Variants in ZNF16 observed in about 807,000 individuals in gnomAD.
The protein encoded by ZNF16 is zinc finger protein KOX9.
Under a neutral mutation model 9.0 loss-of-function variants are expected in ZNF16, and 7 were observed. That is an observed-to-expected ratio of 0.78 (90% confidence interval 0.44 to 1.47). The LOEUF (loss-of-function observed/expected upper bound fraction) is 1.47. Ranked by LOEUF, ZNF16 falls within the 40% of genes most tolerant of loss-of-function variation. ZNF16 has a pLI of 0.01. For missense variants in ZNF16, 830 were observed against 854.2 expected (o/e 0.97, Z 0.35); for synonymous variants, 312 against 301.5 (o/e 1.03, Z -0.36).
At position 144,931,717 on chromosome 8, in the gene ZNF16, G is replaced by A; in HGVS notation, c.1070C>T (p.Ala357Val). Reference sequence around the variant, plus strand: ...GATGAGGTTTGAGCTTCGCCTGAAGGCCTTCCCACACTCACTGCACACATA... The same window carrying A: ...GATGAGGTTTGAGCTTCGCCTGAAGACCTTCCCACACTCACTGCACACATA... ...KPYVCSECGK[A>V]FRRSSNLIKH... The change falls in exon 3 of 3, where the codon GCC becomes GTC. Residue 357 changes from alanine to valine, a missense_variant. Coordinates refer to ENST00000394909, the MANE Select transcript of ZNF16 (RefSeq NM_006958.3). 2 of 1,613,992 alleles carry A rather than the reference G, an allele frequency of 1.2e-6. No individual in the cohort carries two copies. The highest frequency in any genetic ancestry group is 1.7e-6 in the Non-Finnish European group (2 of 1,179,908).
At chr8:144,936,716 CTTAT>C (rs61163374) in intron 2 of ZNF16, among the ~76,000 whole-genome samples, 71 of 151,142 alleles carry the variant, frequency 4.7e-4, no homozygotes, top group East Asian at 3.1e-3. Flanking sequence ...TTCTTTGCCC[CTTAT>C]TTATTTATTT....
chr8:144,946,404 G>T (rs1833929155), intron 1 of ZNF16, among the ~76,000 whole-genome samples, 189 bp from the exon 2 acceptor site: 1 of 152,120 alleles, frequency 6.6e-6, no homozygotes, highest in Admixed American at 6.5e-5. Context: ...GTCAGCCATG[G>T]AGACACAGAC....
Position 144,931,567 on chromosome 8 carries a change from C to T in ZNF16, c.1220G>A (p.Cys407Tyr). 5 of 1,614,130 alleles carry T rather than the reference C, an allele frequency of 3.1e-6. No individual in the cohort carries two copies. In the South Asian group the frequency reaches 5.5e-5, roughly 18 times the overall value. Residue 407 changes from cysteine (C) to tyrosine (Y), a missense_variant, in exon 3 of 3, where the codon TGT (cysteine) becomes TAT (tyrosine). Transcript: ENST00000394909. Reference sequence around the variant, plus strand: ...ACTGAAGGGCTTGCCACAATCATTACACTCATAAGGCTTCTCTCCAGTGTG... The same window carrying T: ...ACTGAAGGGCTTGCCACAATCATTATACTCATAAGGCTTCTCTCCAGTGTG... ...RVHTGEKPYE[C>Y]NDCGKPFSRV...
At position 144,932,866 on chromosome 8, in the gene ZNF16, T is replaced by A. The variant is rs1833591871; in HGVS notation, c.197-276A>T. Among the ~76,000 whole-genome samples, 1 of 152,138 alleles carries A rather than the reference T, an allele frequency of 6.6e-6. No individual in the cohort carries two copies. The highest frequency in any genetic ancestry group is 6.5e-5 in the Admixed American group (1 of 15,282). On this transcript the variant is annotated intron_variant, in intron 2 of 2. Transcript: ENST00000394909. This position sits in a 1 kb window ranked among gnomAD's most constrained non-coding sequence, Gnocchi z 5.0. Reference sequence around the variant, plus strand: ...GCAAACGTTACTGCGGTCTACCTTCTGGCTCAGGCCAAAATCCTGGCTGTC... The same window carrying A: ...GCAAACGTTACTGCGGTCTACCTTCAGGCTCAGGCCAAAATCCTGGCTGTC...
At chr8:144,941,632 G>A (rs1383647743) in intron 2 of ZNF16, among the ~76,000 whole-genome samples, 1 of 150,528 alleles carries the variant, frequency 6.6e-6, no homozygotes, top group Non-Finnish European at 1.5e-5. Context: ...TTTTTGTAGT[G>A]TACCATTTTA....
At chr8:144,934,288 G>A (rs1467204848) in intron 2 of ZNF16, among the ~76,000 whole-genome samples, 1 of 152,216 alleles carries the variant, frequency 6.6e-6, no homozygotes, top group Non-Finnish European at 1.5e-5. Context: ...CTTTCAGCCA[G>A]AACACCCTCT....
In ZNF16 at chr8:144,932,598, A is replaced by G. The variant is rs772801287; in HGVS notation, c.197-8T>C. 1.2e-6 allele frequency: 2 copies of G among 1,606,734 alleles called. No individual in the cohort carries two copies. On this transcript the variant is annotated splice_region_variant and splice_polypyrimidine_tract_variant and intron_variant, in intron 2 of 2. Transcript: ENST00000394909. The surrounding 1 kb of genome is among the most constrained non-coding windows in gnomAD (Gnocchi z 5.0). ...CAGTCCTGGTGTCACAATCTGAAAC[A>G]ATAAATAGAATATCACTTGGAAGGC...
At position 144,938,931 on chromosome 8, in the gene ZNF16, T is replaced by C. The variant is rs377750437; in HGVS notation, c.197-6341A>G. On this transcript the variant is annotated intron_variant, in intron 2 of 2. Coordinates refer to ENST00000394909, the MANE Select transcript of ZNF16 (RefSeq NM_006958.3). ...TTCTATTACAAGTTTTATGAATGCT[T>C]TTTTTTTTTAACTGTGAAAGTGTTA... Among the ~76,000 whole-genome samples the C allele has an allele frequency of 3.5e-3, 277 of 78,340 alleles. 3 individuals are homozygous for C. The highest frequency in any genetic ancestry group is 5.0e-3 in the African/African-American group (100 of 19,834). 51.4% of individuals were successfully genotyped at this position (78,340 alleles called of 152,430 possible).
At chr8:144,941,395 T>C (rs1833793802) in intron 2 of ZNF16, among the ~76,000 whole-genome samples, 1 of 152,194 alleles carries the variant, frequency 6.6e-6, no homozygotes, top group Non-Finnish European at 1.5e-5. Flanking sequence ...CATGGAATAT[T>C]TTTCCACCTT....
Position 144,932,730 on chromosome 8 carries a change from G to A in ZNF16, c.197-140C>T. On this transcript the variant is annotated intron_variant, in intron 2 of 2. Transcript: ENST00000394909. The surrounding 1 kb of genome is among the most constrained non-coding windows in gnomAD (Gnocchi z 5.0). The stretch of plus-strand genomic sequence containing the variant: ...TCTGGGGTGGCAGTCCAGATCAGAG[G>A]GCATCAGGGAGGGGTGGGAGGAGCA... 1.2e-6 allele frequency: 1 copy of A among 817,816 alleles called. No homozygotes were observed. The highest frequency in any genetic ancestry group is 1.9e-6 in the Non-Finnish European group (1 of 525,884). 50.7% of individuals were successfully genotyped at this position (817,816 alleles called of 1,614,324 possible). A position where few individuals can be genotyped will look rare whatever the true frequency, so the allele number is the denominator to read the frequency against.
At chr8:144,934,531 G>A (rs888176127) in intron 2 of ZNF16, among the ~76,000 whole-genome samples, 1 of 152,218 alleles carries the variant, frequency 6.6e-6, no homozygotes, top group Non-Finnish European at 1.5e-5. Context: ...TGGGAAATGT[G>A]GCATCTACAT....
At chr8:144,942,147 T>A (rs943302949) in intron 2 of ZNF16, among the ~76,000 whole-genome samples, 1 of 148,162 alleles carries the variant, frequency 6.7e-6, no homozygotes, top group Non-Finnish European at 1.5e-5. Flanking sequence ...CTGGCTAATT[T>A]TTTTGTATTT....
rs781131133 is a variant in ZNF16 at position 144,932,305 on chromosome 8, C to T, written c.482G>A (p.Arg161His). The change falls in exon 3 of 3, where the codon CGC becomes CAC. Residue 161 changes from arginine (R) to histidine (H), a missense_variant. Arg to His is a conservative substitution (Grantham distance 29). Coordinates refer to ENST00000394909, the MANE Select transcript of ZNF16 (RefSeq NM_006958.3). The surrounding 1 kb of genome is among the most constrained non-coding windows in gnomAD (Gnocchi z 5.0). The part of the protein sequence containing the change: ...KDLDCNGFDS[R>H]FSLSPNLMAC... ...CATCAGGTTTGGGCTCAGACTGAAG[C>T]GACTGTCAAAACCATTACAGTCCAG... The T allele has an allele frequency of 3.5e-5, 56 of 1,614,036 alleles. No homozygotes were observed. Among genetic ancestry groups the T allele is most frequent in the Middle Eastern group, 1.6e-4 (1 of 6,066 alleles).
rs1159512752 is a variant in ZNF16 at position 144,930,948 on chromosome 8, G to A, written c.1839C>T (p.Ser613=). The change falls in exon 3 of 3, where the codon AGC becomes AGT. Residue 613 remains serine, a synonymous_variant. Transcript: ENST00000394909. The part of the protein sequence containing the change: ...CVECGKGFSQ[S]SHLIQHQIIH... ...TTATCTGATGCTGAATGAGGTGTGA[G>A]CTCTGGCTGAAGCCCTTACCACATT... The A allele has an allele frequency of 6.2e-7, 1 of 1,613,804 alleles. No individual in the cohort carries two copies. The highest frequency in any genetic ancestry group is 8.5e-7 in the Non-Finnish European group (1 of 1,179,824).
In ZNF16 at chr8:144,931,370, T is replaced by C. The variant is rs1833533524; in HGVS notation, c.1417A>G (p.Ser473Gly). ...CNVCGKAFSY[S>G]SVLRKHQIIH... Reference sequence around the variant, plus strand: ...ATCTGGTGCTTTCGGAGCACTGAGCTATAACTAAAGGCTTTTCCACATACA... The same window carrying C: ...ATCTGGTGCTTTCGGAGCACTGAGCCATAACTAAAGGCTTTTCCACATACA... Residue 473 changes from serine to glycine, a missense_variant, in exon 3 of 3, where the codon AGC (serine) becomes GGC (glycine). Coordinates refer to ENST00000394909, the MANE Select transcript of ZNF16 (RefSeq NM_006958.3). 6.2e-7 allele frequency: 1 copy of C among 1,614,052 alleles called. No homozygotes were observed. Among genetic ancestry groups the C allele is most frequent in the Non-Finnish European group, 8.5e-7 (1 of 1,180,012 alleles).
Position 144,930,830 on chromosome 8 carries a change from C to A in ZNF16, c.1957G>T (p.Gly653Trp). The A allele has an allele frequency of 6.3e-7, 1 of 1,591,028 alleles. No individual in the cohort carries two copies. Among genetic ancestry groups the A allele is most frequent in the South Asian group, 1.2e-5 (1 of 86,350 alleles). ...GCAGCACAGTCATAGGGCTTCACCC[C>A]AGTGTGAATCCTCTGGTGCTGGATG... Reference protein sequence around the residue: ...VLIQHQRIHTGVKPYDCAACG... With the variant: ...VLIQHQRIHTWVKPYDCAACG... Residue 653 changes from glycine to tryptophan, a missense_variant, in exon 3 of 3, where the codon GGG (glycine) becomes TGG (tryptophan). By Grantham distance (184) the Gly-to-Trp change is radical. Transcript: ENST00000394909.
At chr8:144,949,996 T>C (rs1314381813) in intron 1 of ZNF16, among the ~76,000 whole-genome samples, 1 of 152,230 alleles carries the variant, frequency 6.6e-6, no homozygotes, top group African/African-American at 2.4e-5. Flanking sequence ...AACCCGATTG[T>C]ACATTTGTTC....
chr8:144,950,288 G>A (rs890180778), intron 1 of ZNF16: 1 of 152,210 alleles, frequency 6.6e-6, no homozygotes, highest in Non-Finnish European at 1.5e-5. Flanking sequence ...AAAACTAAGA[G>A]AACTCAGAGA....
At chr8:144,936,493 T>G (rs1438033174) in intron 2 of ZNF16, among the ~76,000 whole-genome samples, 1 of 152,234 alleles carries the variant, frequency 6.6e-6, no homozygotes, top group Non-Finnish European at 1.5e-5. Context: ...AGTTATGCCA[T>G]TTTACATTCC....
Sources: allele counts gnomAD v4.1 joint callset (sites outside exome capture counted in the v4.1 genomes callset), GRCh38; gene constraint gnomAD v4.1.1; non-coding constraint Gnocchi (gnomAD v3.1); transcripts MANE v1.5; gene names NCBI Gene and HGNC (gene_info 2026-07-23, HGNC 2026-07-21).